CHKA: variants seen among roughly 807,000 people sequenced by gnomAD.
CHKA encodes choline kinase alpha, also known as CHETK-alpha.
In CHKA, 34 loss-of-function variants were observed where a neutral mutation model predicts 60.1. The ratio of observed to expected loss-of-function variants is 0.57; its 90% CI spans 0.43 to 0.75. The LOEUF (loss-of-function observed/expected upper bound fraction) is 0.75, where lower values mean the gene tolerates loss of function less well. Ranked by LOEUF, CHKA falls within the 30% of genes least tolerant of loss-of-function variation. CHKA has a pLI of 0.00. For missense variants in CHKA, 563 were observed against 561.3 expected, an observed-to-expected ratio of 1.00 and a Z score of -0.03; for synonymous variants, 217 against 223.1, an observed-to-expected ratio of 0.97 and a Z score of 0.24.
intron 11 of CHKA, among the ~76,000 whole-genome samples, chr11:68,061,224 A>G: frequency 6.8e-6 from 1 of 147,558 alleles, no homozygotes; most frequent in African/African-American, 2.5e-5. Context: ...CTCCTGCCTC[A>G]GCCTCTTGAG....
At chr11:68,071,733 G>C (rs1210475504) in intron 4 of CHKA, among the ~76,000 whole-genome samples, 1 of 152,208 alleles carries the variant, frequency 6.6e-6, no homozygotes, top group Admixed American at 6.5e-5. Flanking sequence ...ATACATCTGT[G>C]TGTTCCCATT....
At chr11:68,056,240 ATG>A in intron 11 of CHKA, among the ~76,000 whole-genome samples, 1 of 152,282 alleles carries the variant, frequency 6.6e-6, no homozygotes, top group East Asian at 1.9e-4. Flanking sequence ...GATGACATAT[ATG>A]TGTGTTTTTG....
At chr11:68,086,305 T>C (rs1361929624) in intron 2 of CHKA, among the ~76,000 whole-genome samples, 1 of 152,044 alleles carries the variant, frequency 6.6e-6, no homozygotes, top group East Asian at 1.9e-4. Context: ...AGCGAGACTC[T>C]GTCTCATAAA....
chr11:68,111,277 T>C (rs1221081158), intron 1 of CHKA, among the ~76,000 whole-genome samples: 5 of 151,656 alleles, frequency 3.3e-5, no homozygotes, highest in African/African-American at 4.8e-5. Context: ...CTGGGCGTGG[T>C]GGTGGGCGCC....
At chr11:68,091,705 A>C (rs1466907487) in intron 2 of CHKA, among the ~76,000 whole-genome samples, 1 of 152,226 alleles carries the variant, frequency 6.6e-6, no homozygotes, top group Non-Finnish European at 1.5e-5. Context: ...TTTCAGTGTC[A>C]CTATGGAAAT....
In CHKA at chr11:68,121,312, G is replaced by GC. The variant is rs1858643516; in HGVS notation, c.-136_-135insG. On this transcript the variant is annotated 5_prime_UTR_variant, in exon 1 of 12. Transcript: ENST00000265689. ...GGGGGCCGCGGCGGTTGGGCGCGCG[G>GC]GGCGGCGGCGGCGGCTGCGGCGACT... 4 of 491,974 alleles carry GC rather than the reference G, an allele frequency of 8.1e-6. No individual in the cohort carries two copies. In the East Asian group the frequency reaches 5.4e-4, roughly 66 times the overall value. The allele number at this position is 491,974 out of a possible 1,614,324, so 30.5% of individuals were successfully genotyped here. A position where few individuals can be genotyped will look rare whatever the true frequency, so the allele number is the denominator to read the frequency against.
chr11:68,084,577 A>AT (rs1379897433), intron 2 of CHKA, among the ~76,000 whole-genome samples: 1 of 151,232 alleles, frequency 6.6e-6, no homozygotes, highest in Non-Finnish European at 1.5e-5. Flanking sequence ...GTTAATAAAA[A>AT]TTATCCTCTA....
chr11:68,081,718 C>G (rs939926374), intron 2 of CHKA: 2 of 332,218 alleles, frequency 6.0e-6, no homozygotes, highest in Admixed American at 8.7e-5. Flanking sequence ...TCACAGCCGC[C>G]CCATGTACCT....
rs1416841800 is a variant in CHKA, at chr11:68,118,212, C to T, written c.350+2616G>A. ...ATCCTGGCACTTTGGGAGGCTGAAG[C>T]GGAAGGACTGCTTGAGCTCAGGAGT... On this transcript the variant is annotated intron_variant, in intron 1 of 11. Coordinates refer to ENST00000265689, the MANE Select transcript of CHKA (RefSeq NM_001277.3). Among the ~76,000 whole-genome samples the T allele has an allele frequency of 2.6e-5, 4 of 151,980 alleles. No individual in the cohort carries two copies. In the East Asian group the frequency reaches 7.7e-4, roughly 29 times the overall value.
chr11:68,103,082 G>A (rs896564810), intron 1 of CHKA, among the ~76,000 whole-genome samples: 1 of 152,190 alleles, frequency 6.6e-6, no homozygotes, highest in African/African-American at 2.4e-5. Context: ...GCTGAAGTAA[G>A]CTATGAATGC....
intron 10 of CHKA, among the ~76,000 whole-genome samples, chr11:68,063,025 A>G (rs1038338157): frequency 6.6e-6 from 1 of 152,220 alleles, no homozygotes; most frequent in African/African-American, 2.4e-5. Flanking sequence ...AAAGAGATGG[A>G]CAAATAGTGG....
intron 10 of CHKA, among the ~76,000 whole-genome samples, chr11:68,064,135 G>A (rs1030581874): frequency 6.6e-5 from 10 of 152,210 alleles, no homozygotes; most frequent in South Asian, 4.1e-4. Flanking sequence ...TAGGCCAGGC[G>A]CAGTGGCTCA....
chr11:68,097,082 T>C lies in CHKA; in HGVS notation c.399A>G (p.Thr133=). The change falls in exon 2 of 12, where the codon ACA becomes ACG. Residue 133 remains threonine, a synonymous_variant. Transcript: ENST00000265689. ...MLFQCSLPDT[T]ATLGDEPRKV... ...TCCGAGGCTCATCACCAAGGGTGGC[T>C]GTGGTGTCAGGTAGGGAGCACTGGA... 1.9e-6 allele frequency: 3 copies of C among 1,613,852 alleles called. No individual in the cohort carries two copies. Among genetic ancestry groups the C allele is most frequent in the Non-Finnish European group, 2.5e-6 (3 of 1,179,880 alleles).
chr11:68,087,582 G>A (rs1467965327), intron 2 of CHKA, among the ~76,000 whole-genome samples: 2 of 151,744 alleles, frequency 1.3e-5, no homozygotes, highest in Admixed American at 1.3e-4. Flanking sequence ...TAAGAGTACA[G>A]GTTTTTTATA....
intron 1 of CHKA, among the ~76,000 whole-genome samples, chr11:68,099,619 C>T (rs545068959): frequency 7.2e-6 from 1 of 139,670 alleles, no homozygotes; most frequent in African/African-American, 2.7e-5. Context: ...CCAAAAGCAG[C>T]CTTAACCTTT....
At chr11:68,054,374 G>A (rs1020273308) in intron 11 of CHKA, among the ~76,000 whole-genome samples, 2 of 152,224 alleles carry the variant, frequency 1.3e-5, no homozygotes, top group African/African-American at 4.8e-5. Context: ...AACCCTGGGT[G>A]CTGTGGGCAC....
Position 68,064,510 on chromosome 11 carries a change from A to G in CHKA, c.1232+15T>C. On this transcript the variant is annotated intron_variant, in intron 10 of 11. Transcript: ENST00000265689. ...GGAAAGCTATCTTTACAAATCAAAA[A>G]AGGAAAAATGTTACCTATTAACTTC... 1 of 1,357,792 alleles carries G rather than the reference A, an allele frequency of 7.4e-7. No homozygotes were observed. The highest frequency in any genetic ancestry group is 1.0e-6 in the Non-Finnish European group (1 of 973,824). 84.1% of individuals were successfully genotyped at this position (1,357,792 alleles called of 1,614,324 possible).
chr11:68,077,695 G>A (rs1315607217), intron 3 of CHKA, among the ~76,000 whole-genome samples: 1 of 152,154 alleles, frequency 6.6e-6, no homozygotes, highest in Non-Finnish European at 1.5e-5. Flanking sequence ...GGGATGGGGA[G>A]AGAGAGAGAA....
rs552348903 is a variant in CHKA, at chr11:68,057,215, T to G, written c.1315-3168A>C. Among the ~76,000 whole-genome samples, 7 of 152,348 alleles carry G rather than the reference T, an allele frequency of 4.6e-5. No homozygotes were observed. The East Asian group carries it at 1.3e-3, about 29-fold the overall frequency. ...GATGAAAGGAATGGGAAAAAGCACT[T>G]TGGTTTTTATGTGTTTCCTGCTCAC... is the stretch of plus-strand genomic sequence containing the variant. On this transcript the variant is annotated intron_variant, in intron 11 of 11. Coordinates refer to ENST00000265689, the MANE Select transcript of CHKA (RefSeq NM_001277.3).
Sources: gnomAD v4.1 joint callset for allele counts (sites outside exome capture counted in the v4.1 genomes callset) on GRCh38, gnomAD v4.1.1 for gene constraint, MANE v1.5 for transcripts, NCBI Gene and HGNC (gene_info 2026-07-23, HGNC 2026-07-21) for gene names.